UBASH3B: variants seen among roughly 807,000 people sequenced by gnomAD.
UBASH3B encodes the protein ubiquitin associated and SH3 domain containing B, also known as ubiquitin-associated and SH3 domain-containing protein B.
UBASH3B carries 37 observed loss-of-function variants against 83.4 expected under a neutral mutation model. That is an observed-to-expected ratio of 0.44 (90% CI 0.34 to 0.58). The LOEUF is 0.58. Among genes scored for constraint, UBASH3B ranks in the 20% least tolerant of loss-of-function variants. The probability of loss-of-function intolerance (pLI) is 0.01; values close to 1 mark genes in which losing one functional copy is unlikely to be tolerated. For missense variants in UBASH3B, 657 were observed against 827.2 expected (o/e 0.79, Z 2.52); for synonymous variants, 304 against 318.3 (o/e 0.96, Z 0.48).
chr11:122,744,871 C>CTGTGTG (rs1472956565), intron 1 of UBASH3B, among the ~76,000 whole-genome samples: 5 of 26,014 alleles, frequency 1.9e-4, no homozygotes, highest in African/African-American at 6.9e-4. Context: ...ACATGTGTGA[C>CTGTGTG]TCTGTGTGTG....
intron 1 of UBASH3B, among the ~76,000 whole-genome samples, chr11:122,734,078 G>A (rs1400719977): frequency 6.6e-6 from 1 of 152,020 alleles, no homozygotes; most frequent in Non-Finnish European, 1.5e-5. Flanking sequence ...GTAAAGATGG[G>A]GTTTTGCCAT....
intron 1 of UBASH3B, among the ~76,000 whole-genome samples, chr11:122,661,472 C>T (rs150964180): frequency 2.2e-4 from 33 of 152,240 alleles, no homozygotes; most frequent in African/African-American, 7.9e-4. Flanking sequence ...CTGACTCTGG[C>T]GTGGGGGCTG....
intron 1 of UBASH3B, among the ~76,000 whole-genome samples, chr11:122,674,223 T>A (rs971622325): frequency 3.3e-5 from 5 of 152,188 alleles, no homozygotes; most frequent in Non-Finnish European, 5.9e-5. Flanking sequence ...AAAGAGCTAG[T>A]GAAAATAACT....
chr11:122,662,017 C>T (rs1173542934), intron 1 of UBASH3B, among the ~76,000 whole-genome samples: 2 of 150,894 alleles, frequency 1.3e-5, no homozygotes, highest in East Asian at 2.0e-4. Context: ...AAGTGATTCT[C>T]CTGCCTTAGC....
chr11:122,758,406 G>C lies in UBASH3B; in HGVS notation c.162-17813G>C, dbSNP rs1861316781. ...TCCTGAGATTTCAGCTGCAGAGTAA[G>C]CCTCCAGAGCATCTGCCAGGAACTG... On this transcript the variant is annotated intron_variant, in intron 1 of 13. Transcript: ENST00000284273. This position sits in a 1 kb window ranked among gnomAD's most constrained non-coding sequence, Gnocchi z 4.2. Among the ~76,000 whole-genome samples, 1 of 152,238 alleles carries C rather than the reference G, an allele frequency of 6.6e-6. No homozygotes were observed. The highest frequency in any genetic ancestry group is 6.5e-5 in the Admixed American group (1 of 15,290).
At chr11:122,725,847 C>T (rs1860730689) in intron 1 of UBASH3B, among the ~76,000 whole-genome samples, 2 of 152,086 alleles carry the variant, frequency 1.3e-5, no homozygotes, top group South Asian at 4.2e-4. Context: ...GTGTGCACCA[C>T]CACGCCGGCC....
intron 1 of UBASH3B, among the ~76,000 whole-genome samples, chr11:122,665,713 T>C (rs1270586553): frequency 2.0e-5 from 3 of 152,170 alleles, no homozygotes; most frequent in Non-Finnish European, 2.9e-5. Context: ...GCAATTACAG[T>C]GGTGGGGAGC....
At chr11:122,693,338 G>T (rs1863921193) in intron 1 of UBASH3B, among the ~76,000 whole-genome samples, 1 of 152,178 alleles carries the variant, frequency 6.6e-6, no homozygotes, top group Non-Finnish European at 1.5e-5. Context: ...CTTAGCTTGG[G>T]CTCAGAGGCC....
intron 1 of UBASH3B, among the ~76,000 whole-genome samples, chr11:122,725,493 ATTCAGGGTACC>A (rs1860722790): frequency 6.6e-6 from 1 of 151,966 alleles, no homozygotes; most frequent in Admixed American, 6.6e-5. Context: ...AGCCCACGAC[ATTCAGGGTACC>A]CTGGAGAAGA....
chr11:122,778,922 A>G (rs974323214), intron 3 of UBASH3B, among the ~76,000 whole-genome samples: 4 of 152,122 alleles, frequency 2.6e-5, no homozygotes, highest in South Asian at 4.1e-4. Context: ...TTTCTAATTG[A>G]TAAAAATTAT....
At chr11:122,717,938 TCTGTCACCAGTCTCAC>T (rs1860554019) in intron 1 of UBASH3B, among the ~76,000 whole-genome samples, 1 of 133,718 alleles carries the variant, frequency 7.5e-6, no homozygotes, top group African/African-American at 3.7e-5. Context: ...CAAGTCTCAC[TCTGTCACCAGTCTCAC>T]TCTGTCACCC....
chr11:122,655,878 G>A lies in UBASH3B; in HGVS notation c.-172G>A. On this transcript the variant is annotated 5_prime_UTR_variant, in exon 1 of 14. Coordinates refer to ENST00000284273, the MANE Select transcript of UBASH3B (RefSeq NM_032873.5). ...CGTTCTGGCTCCTGTGGCCTCACCA[G>A]GAAGCGTCAGAGTCCCGACACTGGG... 1 of 703,358 alleles carries A rather than the reference G, an allele frequency of 1.4e-6. No homozygotes were observed. Among genetic ancestry groups the A allele is most frequent in the Non-Finnish European group, 2.2e-6 (1 of 463,660 alleles). The allele number at this position is 703,358 out of a possible 1,614,324, so 43.6% of individuals were successfully genotyped here.
At chr11:122,778,063 CACATGTAAAT>C (rs1444298398) in intron 3 of UBASH3B, among the ~76,000 whole-genome samples, 2 of 152,134 alleles carry the variant, frequency 1.3e-5, no homozygotes, top group Non-Finnish European at 2.9e-5. Flanking sequence ...CTCACTATCA[CACATGTAAAT>C]ACATTTTGTC....
intron 8 of UBASH3B, 113 bp from the exon 9 acceptor site, chr11:122,796,798 G>C: frequency 7.1e-7 from 1 of 1,410,406 alleles, no homozygotes; most frequent in Non-Finnish European, 9.9e-7. Context: ...AGAGAGCTCA[G>C]TGTGATCTCT....
intron 5 of UBASH3B, among the ~76,000 whole-genome samples, chr11:122,788,231 G>C (rs1352431250): frequency 6.6e-6 from 1 of 152,080 alleles, no homozygotes; most frequent in East Asian, 1.9e-4. Context: ...TAAAACTATA[G>C]GTTTAAAGAA....
intron 8 of UBASH3B, 89 bp downstream of exon 8, chr11:122,796,365 AT>A: frequency 6.5e-7 from 1 of 1,549,626 alleles, no homozygotes; most frequent in Non-Finnish European, 8.7e-7. Flanking sequence ...AGATGGAGTC[AT>A]TCATAGTTTT....
intron 4 of UBASH3B, 98 bp downstream of exon 4, chr11:122,779,793 C>A: frequency 6.9e-7 from 1 of 1,452,774 alleles, no homozygotes; most frequent in Non-Finnish European, 9.5e-7. Flanking sequence ...AGGATGGGGT[C>A]AGGAGGTGGA....
intron 4 of UBASH3B, 84 bp downstream of exon 4, chr11:122,779,779 G>A: frequency 1.3e-6 from 2 of 1,534,912 alleles, no homozygotes; most frequent in Non-Finnish European, 1.8e-6. Context: ...AGTGGTAGAG[G>A]AGCAGGATGG....
chr11:122,684,500 C>T (rs918172660), intron 1 of UBASH3B, among the ~76,000 whole-genome samples: 2 of 152,106 alleles, frequency 1.3e-5, no homozygotes, highest in African/African-American at 4.8e-5. Context: ...GAAGGGGTGA[C>T]ATATTATGAA....
Sources: allele counts gnomAD v4.1 joint callset (sites outside exome capture counted in the v4.1 genomes callset), GRCh38; gene constraint gnomAD v4.1.1; non-coding constraint Gnocchi (gnomAD v3.1); transcripts MANE v1.5; gene names NCBI Gene and HGNC (gene_info 2026-07-23, HGNC 2026-07-21).